The following WWTR1 variants were observed in gnomAD, a reference collection of about 807,000 sequenced individuals.
WWTR1 encodes the protein WW domain-containing transcription regulator protein 1.
A neutral mutation model predicts 40.1 loss-of-function variants in WWTR1; 13 were observed. The ratio of observed to expected loss-of-function variants is 0.32; its 90% CI spans 0.21 to 0.52. The LOEUF is 0.52. WWTR1 is among the 20% of genes least tolerant of loss of function. The pLI is 0.97. For missense variants in WWTR1, 436 were observed against 523.1 expected (o/e 0.83, Z 1.63); for synonymous variants, 230 against 210.1 (o/e 1.09, Z -0.82).
intron 4 of WWTR1, among the ~76,000 whole-genome samples, chr3:149,529,865 T>C (rs895817794): frequency 2.6e-5 from 4 of 152,158 alleles, no homozygotes; most frequent in Admixed American, 1.3e-4. Context: ...TTATTAACCA[T>C]AAATGCAAGA....
At chr3:149,627,247 T>C (rs1740599165) in intron 2 of WWTR1, among the ~76,000 whole-genome samples, 1 of 152,160 alleles carries the variant, frequency 6.6e-6, no homozygotes, top group Non-Finnish European at 1.5e-5. Context: ...GTAAACATAT[T>C]GTTAAGGTAA....
chr3:149,542,023 G>A (rs1209552780), intron 4 of WWTR1, among the ~76,000 whole-genome samples: 1 of 152,184 alleles, frequency 6.6e-6, no homozygotes, highest in Non-Finnish European at 1.5e-5. Context: ...TACATTTTGG[G>A]ATAATTTGTT....
chr3:149,544,367 A>G (rs1405097136), intron 3 of WWTR1, among the ~76,000 whole-genome samples: 1 of 152,234 alleles, frequency 6.6e-6, no homozygotes, highest in African/African-American at 2.4e-5. Flanking sequence ...CCATACGCTC[A>G]CTGAAATTGT....
chr3:149,681,861 C>T (rs1307936501), intron 1 of WWTR1, among the ~76,000 whole-genome samples: 1 of 151,966 alleles, frequency 6.6e-6, no homozygotes, highest in Non-Finnish European at 1.5e-5. Flanking sequence ...CAGGAAAAAC[C>T]TAAAATAGTC....
chr3:149,612,595 TAA>T (rs1739786050), intron 2 of WWTR1, among the ~76,000 whole-genome samples: 1 of 152,156 alleles, frequency 6.6e-6, no homozygotes, highest in Non-Finnish European at 1.5e-5. Flanking sequence ...GGAAGTGCCA[TAA>T]AAGAGACTCT....
rs747479045 is a variant in WWTR1, at chr3:149,520,892, T to TCCTA, written c.1112_1115dup (p.Thr373ArgfsTer6). On this transcript the variant is annotated frameshift_variant, in exon 7 of 7. Transcript: ENST00000360632. LOFTEE classifies it high-confidence loss of function. ...GGATCAGGTCTTCAGATTCCAAAGT[T>TCCTA]CCTAAGTCAACGTTTGTTCCTGGAA... 6.2e-7 allele frequency: 1 copy of TCCTA among 1,613,604 alleles called. No individual in the cohort carries two copies. Among genetic ancestry groups the TCCTA allele is most frequent in the Non-Finnish European group, 8.5e-7 (1 of 1,179,826 alleles).
At chr3:149,557,256 G>C (rs1436000116) in intron 3 of WWTR1, among the ~76,000 whole-genome samples, 1 of 151,524 alleles carries the variant, frequency 6.6e-6, no homozygotes, top group African/African-American at 2.4e-5. Context: ...TTTTTTAATA[G>C]AGATGGGATT....
At chr3:149,606,254 A>G (rs1480881753) in intron 2 of WWTR1, among the ~76,000 whole-genome samples, 1 of 152,196 alleles carries the variant, frequency 6.6e-6, no homozygotes, top group Non-Finnish European at 1.5e-5. Flanking sequence ...ACTGAGAAAC[A>G]TACTAATTAT....
intron 3 of WWTR1, among the ~76,000 whole-genome samples, chr3:149,565,087 T>C (rs1298562198): frequency 6.6e-6 from 1 of 152,022 alleles, no homozygotes; most frequent in Non-Finnish European, 1.5e-5. Flanking sequence ...ACTCGGGGGC[T>C]GAGCTGGGAG....
At chr3:149,546,747 G>A (rs1736381671) in intron 3 of WWTR1, among the ~76,000 whole-genome samples, 4 of 152,144 alleles carry the variant, frequency 2.6e-5, no homozygotes, top group African/African-American at 9.7e-5. Flanking sequence ...TGTTGGTAGA[G>A]TGAAAGAAAG....
At chr3:149,711,129 G>A (rs1268175704) in intron 5 of WWTR1, among the ~76,000 whole-genome samples, 1 of 149,936 alleles carries the variant, frequency 6.7e-6, no homozygotes, top group African/African-American at 2.5e-5. Context: ...GGGGTGAAGA[G>A]GAGACAGAAG....
intron 2 of WWTR1, among the ~76,000 whole-genome samples, chr3:149,620,852 T>A (rs1740236044): frequency 6.6e-6 from 1 of 152,174 alleles, no homozygotes; most frequent in South Asian, 2.1e-4. Context: ...ACCACACACA[T>A]CAGCCTTTAC....
intron 2 of WWTR1, among the ~76,000 whole-genome samples, chr3:149,633,357 A>C (rs77915793): frequency 0.016 from 2,483 of 152,338 alleles, 31 homozygotes; most frequent in African/African-American, 0.025. Flanking sequence ...CCAATGCATT[A>C]CACTCTGGGT....
intron 5 of WWTR1, among the ~76,000 whole-genome samples, chr3:149,708,476 C>A (rs1715388445): frequency 6.6e-6 from 1 of 152,178 alleles, no homozygotes; most frequent in African/African-American, 2.4e-5. Flanking sequence ...CTCCCCTCAA[C>A]CCCCACTGCT....
At chr3:149,641,526 G>A (rs937750478) in intron 2 of WWTR1, among the ~76,000 whole-genome samples, 1 of 152,112 alleles carries the variant, frequency 6.6e-6, no homozygotes, top group African/African-American at 2.4e-5. Context: ...AATTAACTAG[G>A]GCCGGCCAAT....
At chr3:149,671,198 C>T (rs1299037417) in intron 1 of WWTR1, among the ~76,000 whole-genome samples, 1 of 151,982 alleles carries the variant, frequency 6.6e-6, no homozygotes, top group African/African-American at 2.4e-5. Context: ...ACAGCTTCAT[C>T]CTCATGATCC....
intron 2 of WWTR1, among the ~76,000 whole-genome samples, chr3:149,606,460 C>T (rs1739491342): frequency 2.0e-5 from 3 of 152,028 alleles, no homozygotes; most frequent in Admixed American, 6.6e-5. Flanking sequence ...AGTCAGTAAA[C>T]ATTATAATAT....
chr3:149,647,688 G>T (rs1039032747), intron 2 of WWTR1, among the ~76,000 whole-genome samples: 4 of 152,204 alleles, frequency 2.6e-5, no homozygotes, highest in Non-Finnish European at 5.9e-5. Flanking sequence ...ATAGGATGGA[G>T]CTATGAATGG....
At chr3:149,545,416 G>A (rs1736320444) in intron 3 of WWTR1, among the ~76,000 whole-genome samples, 1 of 152,174 alleles carries the variant, frequency 6.6e-6, no homozygotes, top group Admixed American at 6.5e-5. Flanking sequence ...GGTAGTATCT[G>A]ACACAACTAC....
Sources: allele counts gnomAD v4.1 joint callset (sites outside exome capture counted in the v4.1 genomes callset), GRCh38; gene constraint gnomAD v4.1.1; transcripts MANE v1.5; gene names NCBI Gene and HGNC (gene_info 2026-07-23, HGNC 2026-07-21).